Variants in FAM120A observed in about 807,000 individuals in gnomAD.
FAM120A encodes constitutive coactivator of PPAR-gamma-like protein 1.
FAM120A carries 15 observed loss-of-function variants against 109.7 expected under a neutral mutation model. The ratio of observed to expected loss-of-function variants is 0.14; its 90% CI spans 0.09 to 0.21. The LOEUF (loss-of-function observed/expected upper bound fraction) is 0.21. Among genes scored for constraint, FAM120A ranks in the 10% least tolerant of loss-of-function variants. FAM120A has a pLI of 1.00. For synonymous variants in FAM120A, 493 were observed against 572.8 expected (o/e 0.86, Z 1.99); for missense variants, 899 against 1,439.3 (o/e 0.62, Z 6.07).
At chr9:93,456,473 C>A (rs1383120219) in intron 1 of FAM120A, among the ~76,000 whole-genome samples, 1 of 152,202 alleles carries the variant, frequency 6.6e-6, no homozygotes, top group Non-Finnish European at 1.5e-5. Flanking sequence ...TCATGGTTAG[C>A]ATAATTACAT....
intron 8 of FAM120A, 124 bp from the exon 9 acceptor site, chr9:93,529,229 C>T (rs1249087148): frequency 1.2e-6 from 1 of 842,608 alleles, no homozygotes. Flanking sequence ...AATCTGGTCT[C>T]TCTAAGACAG....
At chr9:93,502,534 T>C (rs1859846504) in intron 5 of FAM120A, among the ~76,000 whole-genome samples, 1 of 150,900 alleles carries the variant, frequency 6.6e-6, no homozygotes, top group African/African-American at 2.4e-5. Context: ...TAAACAGTTA[T>C]TGGGTAGTGT....
chr9:93,509,466 C>T (rs1218724402), intron 5 of FAM120A, among the ~76,000 whole-genome samples: 1 of 152,176 alleles, frequency 6.6e-6, no homozygotes, highest in Non-Finnish European at 1.5e-5. Flanking sequence ...TGTGGAGGTG[C>T]TATGTAATTT....
chr9:93,517,470 G>A (rs970005257), intron 7 of FAM120A, among the ~76,000 whole-genome samples: 2 of 152,216 alleles, frequency 1.3e-5, no homozygotes, highest in Non-Finnish European at 2.9e-5. Flanking sequence ...GCACACTGAA[G>A]TTTGAGAACA....
intron 11 of FAM120A, among the ~76,000 whole-genome samples, chr9:93,544,844 A>G (rs1331098422): frequency 6.6e-6 from 1 of 152,148 alleles, no homozygotes; most frequent in African/African-American, 2.4e-5. Context: ...ACACTGGCTC[A>G]GAGGGTTTGG....
chr9:93,549,606 A>G (rs1192135586), intron 11 of FAM120A, among the ~76,000 whole-genome samples: 1 of 152,228 alleles, frequency 6.6e-6, no homozygotes, highest in Non-Finnish European at 1.5e-5. Context: ...GATTTTAAGC[A>G]CTGAGCAAAC....
intron 7 of FAM120A, among the ~76,000 whole-genome samples, chr9:93,526,865 T>A (rs989885118): frequency 1.3e-5 from 2 of 152,246 alleles, no homozygotes; most frequent in Admixed American, 6.5e-5. Flanking sequence ...AGGCTTGCCT[T>A]TGTTTCCTCT....
chr9:93,485,814 T>A (rs891021649), intron 3 of FAM120A, among the ~76,000 whole-genome samples: 6 of 152,160 alleles, frequency 3.9e-5, no homozygotes. Context: ...CTACAACCCC[T>A]TGGCCAACCA....
intron 3 of FAM120A, among the ~76,000 whole-genome samples, chr9:93,480,758 TC>T (rs1208197214): frequency 2.0e-5 from 3 of 152,158 alleles, no homozygotes; most frequent in Admixed American, 2.0e-4. Context: ...ACATTGAATA[TC>T]CTTTCAATGT....
At chr9:93,476,020 G>T (rs953174177) in intron 2 of FAM120A, among the ~76,000 whole-genome samples, 3 of 152,128 alleles carry the variant, frequency 2.0e-5, no homozygotes, top group African/African-American at 4.8e-5. Flanking sequence ...AGTTGTTTCA[G>T]TTTTATGCAG....
At chr9:93,509,712 G>A (rs553794612) in intron 5 of FAM120A, among the ~76,000 whole-genome samples, 2 of 152,128 alleles carry the variant, frequency 1.3e-5, no homozygotes, top group Admixed American at 1.3e-4. Context: ...TGTTGTTGTT[G>A]TGATGAAAAA....
At chr9:93,461,013 A>T (rs1483583923) in intron 1 of FAM120A, among the ~76,000 whole-genome samples, 1 of 152,150 alleles carries the variant, frequency 6.6e-6, no homozygotes, top group Non-Finnish European at 1.5e-5. Context: ...TTTATCACAC[A>T]TTGTTTCTAG....
chr9:93,464,075 G>C (rs934502140), intron 1 of FAM120A, among the ~76,000 whole-genome samples: 6 of 152,184 alleles, frequency 3.9e-5, no homozygotes, highest in African/African-American at 1.4e-4. Context: ...TCACCTACCT[G>C]GTGCCAGAGA....
chr9:93,537,858 A>G (rs1861572620), intron 10 of FAM120A, among the ~76,000 whole-genome samples: 1 of 152,224 alleles, frequency 6.6e-6, no homozygotes, highest in African/African-American at 2.4e-5. Flanking sequence ...ATTTCTGTTA[A>G]TAAGTCTGTC....
In FAM120A at chr9:93,562,300, T is replaced by G. The variant is rs1286255029; in HGVS notation, c.3041T>G (p.Ile1014Ser). 4 of 1,613,170 alleles carry G rather than the reference T, an allele frequency of 2.5e-6. No homozygotes were observed. The highest frequency in any genetic ancestry group is 3.4e-6 in the Non-Finnish European group (4 of 1,179,282). Residue 1014 changes from isoleucine to serine, a missense_variant, in exon 17 of 18, where the codon ATT (isoleucine) becomes AGT (serine). Physicochemically the swap from Ile to Ser is moderately radical, Grantham distance 142. Around this residue, in one of 11 missense-constraint regions of FAM120A, gnomAD observed 170 missense variants for 205.0 expected, o/e 0.83. Coordinates refer to ENST00000277165, the MANE Select transcript of FAM120A (RefSeq NM_014612.5). ...AGAGGTTACAAAAACCAGGCAGCAA[T>G]TCAGGTAAGAAGACAACATGATGTT... Reference protein sequence around the residue: ...YGRGYKNQAAIQGRPPYAASA... With the variant: ...YGRGYKNQAASQGRPPYAASA...
chr9:93,499,958 T>C (rs1859729637), intron 5 of FAM120A, among the ~76,000 whole-genome samples: 1 of 152,266 alleles, frequency 6.6e-6, no homozygotes, highest in Admixed American at 6.5e-5. Context: ...TGGCTTTGGC[T>C]GCCTATGTAT....
intron 7 of FAM120A, among the ~76,000 whole-genome samples, chr9:93,519,661 C>G (rs1860758465): frequency 6.6e-6 from 1 of 152,080 alleles, no homozygotes; most frequent in Non-Finnish European, 1.5e-5. Flanking sequence ...CTAACTTCTC[C>G]TGTCTTCTGT....
intron 5 of FAM120A, among the ~76,000 whole-genome samples, chr9:93,507,918 A>C (rs1166987716): frequency 6.6e-6 from 1 of 152,204 alleles, no homozygotes; most frequent in African/African-American, 2.4e-5. Flanking sequence ...GCCTCTCTCC[A>C]GTCATTTCCA....
rs1293861411 is a variant in FAM120A, at chr9:93,452,059, G to A, written c.144G>A (p.Val48=). The A allele has an allele frequency of 1.9e-6, 3 of 1,590,844 alleles. No individual in the cohort carries two copies. The Admixed American group carries it at 5.3e-5, about 28-fold the overall frequency. The change falls in exon 1 of 18, where the codon GTG becomes GTA. Residue 48 remains valine, a synonymous_variant. Transcript: ENST00000277165. The surrounding 1 kb of genome is among the most constrained non-coding windows in gnomAD (Gnocchi z 7.0). ...CGCAGACCCCGCTGCGCCTGCTGGTGGACGCCGACAACTGCCTGCACCGCC... is the reference window on the plus strand; with the variant it reads ...CGCAGACCCCGCTGCGCCTGCTGGTAGACGCCGACAACTGCCTGCACCGCC... ...RPPQTPLRLL[V]DADNCLHRLY... is the part of the protein sequence containing the mutation.
Sources: gnomAD v4.1 joint callset for allele counts (sites outside exome capture counted in the v4.1 genomes callset) on GRCh38, gnomAD v4.1.1 for gene constraint, gnomAD v4.1.1 regional missense constraint, Gnocchi (gnomAD v3.1) non-coding constraint, MANE v1.5 for transcripts, NCBI Gene and HGNC (gene_info 2026-07-23, HGNC 2026-07-21) for gene names.